TNPO3: variants seen among roughly 807,000 people sequenced by gnomAD.
TNPO3 encodes transportin 3.
Under a neutral mutation model 122.8 loss-of-function variants are expected in TNPO3, and 65 were observed. The observed-to-expected ratio is 0.53, with a 90% CI of 0.43 to 0.65. TNPO3 has a LOEUF of 0.65. Among genes scored for constraint, TNPO3 ranks in the 30% least tolerant of loss-of-function variants. The probability of loss-of-function intolerance (pLI) is 0.00; values close to 1 mark genes in which losing one functional copy is unlikely to be tolerated. For synonymous variants in TNPO3, 372 were observed against 411.2 expected (o/e 0.90, Z 1.15); for missense variants, 850 against 1,136.7 (o/e 0.75, Z 3.63).
intron 1 of TNPO3, among the ~76,000 whole-genome samples, chr7:129,031,618 T>A (rs978266155): frequency 1.3e-5 from 2 of 152,128 alleles, no homozygotes; most frequent in African/African-American, 4.8e-5. Flanking sequence ...ACAAAACATG[T>A]AAAGAAATAA....
chr7:128,990,421 C>G (rs1490599646), intron 10 of TNPO3, among the ~76,000 whole-genome samples: 1 of 152,184 alleles, frequency 6.6e-6, no homozygotes, highest in Non-Finnish European at 1.5e-5. Flanking sequence ...TGAATGTCTT[C>G]TTCTAAAGAA....
chr7:128,997,410 G>A lies in TNPO3; in HGVS notation c.1137C>T (p.His379=), dbSNP rs777985302. The A allele has an allele frequency of 1.2e-6, 2 of 1,614,198 alleles. No individual in the cohort carries two copies. Among genetic ancestry groups the A allele is most frequent in the East Asian group, 2.2e-5 (1 of 44,892 alleles). ...IQRLLHALAR[H]CQLEPDHEGV... is the part of the protein sequence containing the mutation. ...TTACATGGTCTGGTTCCAGCTGGCA[G>A]TGTCGAGCCAAGGCGTGAAGCAGCC... Residue 379 remains histidine (H), a synonymous_variant, in exon 8 of 23, where the codon CAC becomes CAT. Coordinates refer to ENST00000265388, the MANE Select transcript of TNPO3 (RefSeq NM_012470.4).
At position 128,997,512 on chromosome 7, in the gene TNPO3, A is replaced by G. The variant is rs1207503163; in HGVS notation, c.1035T>C (p.Phe345=). The change falls in exon 8 of 23, where the codon TTT becomes TTC. Residue 345 remains phenylalanine, a synonymous_variant. Transcript: ENST00000265388. ...ACAAATGTTCCCCCAGTCGGTACCA[A>G]AAGTTAAATGAAATTTCTACTACCT... ...QYEVVEISFN[F]WYRLGEHLYK... The G allele has an allele frequency of 1.2e-6, 2 of 1,613,844 alleles. No individual in the cohort carries two copies. The highest frequency in any genetic ancestry group is 1.3e-5 in the African/African-American group (1 of 74,934).
chr7:129,055,835 T>C (rs745386270), upstream of TNPO3: 110 of 556,634 alleles, frequency 2.0e-4, no homozygotes, highest in Admixed American at 4.4e-4. Flanking sequence ...GGTAACAGTA[T>C]ATTGATATTA....
intron 1 of TNPO3, among the ~76,000 whole-genome samples, chr7:129,037,148 C>A (rs1429447995): frequency 3.9e-5 from 6 of 152,204 alleles, no homozygotes; most frequent in Non-Finnish European, 8.8e-5. Context: ...GCAATAATAT[C>A]TTGTGGTATT....
intron 1 of TNPO3, among the ~76,000 whole-genome samples, chr7:129,043,321 G>T (rs1020153014): frequency 2.7e-4 from 41 of 152,060 alleles, no homozygotes; most frequent in African/African-American, 9.4e-4. Context: ...GACTGAGGTG[G>T]GAAGATCACT....
chr7:129,033,469 G>A (rs1806186781), intron 1 of TNPO3, among the ~76,000 whole-genome samples: 1 of 152,182 alleles, frequency 6.6e-6, no homozygotes, highest in Admixed American at 6.6e-5. Flanking sequence ...TATCAAGAAT[G>A]TGGAGAAACT....
chr7:128,957,311 C>G lies in TNPO3; in HGVS notation c.2716G>C (p.Glu906Gln), dbSNP rs1200576074. 1 of 1,614,012 alleles carries G rather than the reference C, an allele frequency of 6.2e-7. No individual in the cohort carries two copies. The highest frequency in any genetic ancestry group is 8.5e-7 in the Non-Finnish European group (1 of 1,180,004). ...TDFHKQVTSA[E>Q]ECKQVCWALR... ...GCCCAGCAAACTTGTTTACATTCCTCAGCACTAGAAAAGAAAAGGTAGGTT... is the reference window on the plus strand; with the variant it reads ...GCCCAGCAAACTTGTTTACATTCCTGAGCACTAGAAAAGAAAAGGTAGGTT... The change falls in exon 22 of 23, where the codon GAG becomes CAG. Residue 906 changes from glutamate to glutamine, a missense_variant. Transcript: ENST00000265388.
intron 13 of TNPO3, among the ~76,000 whole-genome samples, chr7:128,983,275 C>T (rs993680521): frequency 5.3e-5 from 8 of 151,968 alleles, no homozygotes; most frequent in East Asian, 1.9e-4. Flanking sequence ...GGCGCGATTT[C>T]GGTTCAATGC....
At chr7:129,049,432 A>C (rs1808444061) in intron 1 of TNPO3, among the ~76,000 whole-genome samples, 1 of 152,258 alleles carries the variant, frequency 6.6e-6, no homozygotes, top group Non-Finnish European at 1.5e-5. Flanking sequence ...TGGTGTATTT[A>C]TAAAATGACT....
rs1221691669 is a variant in TNPO3, at chr7:129,001,032, G to A, written c.872+27C>T. 4 of 1,608,298 alleles carry A rather than the reference G, an allele frequency of 2.5e-6. No individual in the cohort carries two copies. In the East Asian group the frequency reaches 8.9e-5, roughly 36 times the overall value. ...AATGACCAGACTGTAGGTAAACCCA[G>A]GGCTCCAGACTTAAACAATTACTCA... On this transcript the variant is annotated intron_variant, in intron 6 of 22. Coordinates refer to ENST00000265388, the MANE Select transcript of TNPO3 (RefSeq NM_012470.4).
intron 18 of TNPO3, 122 bp downstream of exon 18, chr7:128,974,746 A>C: frequency 1.2e-6 from 1 of 807,684 alleles, no homozygotes; most frequent in Non-Finnish European, 2.1e-6. Context: ...TGGGTTATGA[A>C]TCATTAATCT....
At chr7:128,978,172 T>A (rs1227656713) in intron 16 of TNPO3, among the ~76,000 whole-genome samples, 1 of 152,232 alleles carries the variant, frequency 6.6e-6, no homozygotes, top group East Asian at 1.9e-4. Flanking sequence ...CACAATTACT[T>A]AGTGACTTAA....
intron 8 of TNPO3, among the ~76,000 whole-genome samples, chr7:128,994,440 G>A (rs1026795717): frequency 2.0e-5 from 3 of 152,018 alleles, no homozygotes; most frequent in Non-Finnish European, 2.9e-5. Context: ...ACCGTGAGCC[G>A]GCATGCCCTG....
rs569557506 is a variant in TNPO3, at chr7:128,979,955, A to G, written c.1920+16T>C. The G allele has an allele frequency of 6.8e-6, 11 of 1,612,818 alleles. No homozygotes were observed. In the African/African-American group the frequency reaches 1.2e-4, roughly 18 times the overall value. ...AGAAGCAAGCCTTGATTCCACAAGC[A>G]TCCATTAGCACTTACTTCCTGTATG... is the stretch of plus-strand genomic sequence containing the variant. On this transcript the variant is annotated intron_variant, in intron 15 of 22. Coordinates refer to ENST00000265388, the MANE Select transcript of TNPO3 (RefSeq NM_012470.4).
intron 8 of TNPO3, among the ~76,000 whole-genome samples, chr7:128,997,012 A>G (rs181458300): frequency 6.6e-6 from 1 of 151,808 alleles, no homozygotes; most frequent in Non-Finnish European, 1.5e-5. Flanking sequence ...GTTTAGCTGG[A>G]GTGTTTTGCT....
chr7:128,956,453 A>G (rs1262393980), intron 22 of TNPO3, among the ~76,000 whole-genome samples: 1 of 152,302 alleles, frequency 6.6e-6, no homozygotes, highest in African/African-American at 2.4e-5. Flanking sequence ...GACGGAAAGC[A>G]CGTGGAGAAA....
chr7:129,004,757 T>C (rs1211288894), intron 5 of TNPO3, among the ~76,000 whole-genome samples: 2 of 152,220 alleles, frequency 1.3e-5, no homozygotes, highest in East Asian at 1.9e-4. Context: ...AAGATACCAA[T>C]GGTTATTTGG....
At chr7:128,980,110 T>C in intron 14 of TNPO3, 79 bp from the exon 15 acceptor site, 1 of 1,226,750 alleles carries the variant, frequency 8.2e-7, no homozygotes, top group Non-Finnish European at 1.2e-6. Flanking sequence ...CCTGCTTGCT[T>C]ACTTAGTATC....
Sources: allele counts gnomAD v4.1 joint callset (sites outside exome capture counted in the v4.1 genomes callset), GRCh38; gene constraint gnomAD v4.1.1; transcripts MANE v1.5; gene names NCBI Gene and HGNC (gene_info 2026-07-23, HGNC 2026-07-21).